ABL1: variants seen among roughly 807,000 people sequenced by gnomAD.
ABL1 encodes tyrosine-protein kinase ABL1.
ABL1 carries 11 observed loss-of-function variants against 94.7 expected under a neutral mutation model. The ratio of observed to expected loss-of-function variants is 0.12; its 90% CI spans 0.07 to 0.19. The LOEUF (loss-of-function observed/expected upper bound fraction) is 0.19, where lower values mean the gene tolerates loss of function less well. ABL1 is among the 10% of genes least tolerant of loss of function. The pLI, the probability that ABL1 is intolerant of heterozygous loss-of-function variation, is 1.00. For synonymous variants in ABL1, 656 were observed against 622.4 expected (o/e 1.05, Z -0.80); for missense variants, 1,082 against 1,489.4 (o/e 0.73, Z 4.50).
chr9:130,842,983 T>A (rs1355131910), intron 1 of ABL1, among the ~76,000 whole-genome samples: 1 of 152,258 alleles, frequency 6.6e-6, no homozygotes, highest in Non-Finnish European at 1.5e-5. Flanking sequence ...TGGTTTATAT[T>A]TCAGTCAAAA....
intron 4 of ABL1, among the ~76,000 whole-genome samples, chr9:130,867,590 T>A (rs1322849377): frequency 1.3e-5 from 2 of 152,096 alleles, no homozygotes; most frequent in East Asian, 3.9e-4. Flanking sequence ...GTTGAGAGAG[T>A]GCCTGTTTCC....
At chr9:130,793,379 T>C (rs1829933545) in intron 1 of ABL1, among the ~76,000 whole-genome samples, 1 of 152,202 alleles carries the variant, frequency 6.6e-6, no homozygotes, top group South Asian at 2.1e-4. Flanking sequence ...CCCCCTTTCT[T>C]CCGCATACAT....
intron 1 of ABL1, among the ~76,000 whole-genome samples, chr9:130,839,276 A>G (rs997738791): frequency 6.6e-6 from 1 of 152,134 alleles, no homozygotes; most frequent in Non-Finnish European, 1.5e-5. Context: ...GCTTCTTTTC[A>G]GCAGCTAACT....
intron 1 of ABL1, among the ~76,000 whole-genome samples, chr9:130,838,054 C>T (rs935878282): frequency 6.6e-6 from 1 of 152,238 alleles, no homozygotes; most frequent in Non-Finnish European, 1.5e-5. Flanking sequence ...TAAATGCTTA[C>T]TATGTGCCAA....
At chr9:130,780,561 T>C (rs1829743173) in intron 1 of ABL1, among the ~76,000 whole-genome samples, 1 of 152,206 alleles carries the variant, frequency 6.6e-6, no homozygotes. Context: ...GTACCTGCTA[T>C]TTCTAGGCGA....
intron 1 of ABL1, among the ~76,000 whole-genome samples, chr9:130,796,946 C>CTT (rs1459480149): frequency 2.4e-5 from 3 of 126,630 alleles, no homozygotes; most frequent in African/African-American, 9.9e-5. Flanking sequence ...AAAAAAGGCA[C>CTT]TTTTTTTTTG....
At chr9:130,855,222 G>A in intron 3 of ABL1, 126 bp downstream of exon 3, 1 of 1,140,640 alleles carries the variant, frequency 8.8e-7, no homozygotes, top group Non-Finnish European at 1.2e-6. Flanking sequence ...CTTTCAGGTG[G>A]GAGTCATTCC....
Position 130,740,725 on chromosome 9 carries a change from C to T in ABL1, c.136+26270C>T, listed in dbSNP as rs112210746. Among the ~76,000 whole-genome samples, 293 of 152,110 alleles carry T rather than the reference C, an allele frequency of 1.9e-3. 3 individuals are homozygous for T. Among genetic ancestry groups the T allele is most frequent in the African/African-American group, 6.8e-3 (281 of 41,480 alleles). On this transcript the variant is annotated intron_variant, in intron 1 of 10. Coordinates refer to the ABL1 transcript ENST00000372348. ...GGTTGAATTGCAGTGGCACGATCAT[C>T]GCTCACTTCAGCCTGTAATTCCTAG... is the stretch of plus-strand genomic sequence containing the variant.
intron 1 of ABL1, among the ~76,000 whole-genome samples, chr9:130,848,078 G>A (rs1039347570): frequency 6.6e-6 from 1 of 152,136 alleles, no homozygotes; most frequent in African/African-American, 2.4e-5. Context: ...GTGTGGGCCT[G>A]GTCTGCCAAA....
chr9:130,778,376 A>G (rs368478547), intron 1 of ABL1, among the ~76,000 whole-genome samples: 7 of 151,516 alleles, frequency 4.6e-5, no homozygotes, highest in Non-Finnish European at 7.4e-5. Context: ...GTGTTGGGAC[A>G]CTGACACACT....
Position 130,853,847 on chromosome 9 carries a change from A to G in ABL1, c.80-217A>G, listed in dbSNP as rs533004433. ...AAACTATTGGGGAACAATAATTACC[A>G]CCTTGGAGTGAAAATACTTAATTTC... On this transcript the variant is annotated intron_variant, in intron 1 of 10. Transcript: ENST00000318560. Among the ~76,000 whole-genome samples the G allele has an allele frequency of 3.3e-5, 5 of 152,360 alleles. No individual in the cohort carries two copies. In the East Asian group the frequency reaches 9.6e-4, roughly 29 times the overall value.
At chr9:130,812,106 T>C (rs1249595873) in intron 1 of ABL1, among the ~76,000 whole-genome samples, 3 of 149,962 alleles carry the variant, frequency 2.0e-5, no homozygotes, top group Non-Finnish European at 4.4e-5. Flanking sequence ...GGCTCATGCC[T>C]GTAATCCCAG....
At chr9:130,793,787 C>T (rs35137357) in intron 1 of ABL1, among the ~76,000 whole-genome samples, 13,054 of 152,154 alleles carry the variant, frequency 0.086, 730 homozygotes, top group African/African-American at 0.17. Flanking sequence ...AATGAAGCTT[C>T]ATCTGTATTT....
chr9:130,752,069 T>C (rs1368978270), intron 1 of ABL1, among the ~76,000 whole-genome samples: 3 of 152,202 alleles, frequency 2.0e-5, no homozygotes, highest in African/African-American at 7.2e-5. Context: ...TAGGGATGCT[T>C]TGGACCCTGT....
chr9:130,775,623 AAAG>A (rs913407552), intron 1 of ABL1, among the ~76,000 whole-genome samples: 8 of 152,094 alleles, frequency 5.3e-5, no homozygotes, highest in East Asian at 1.9e-4. Context: ...AGGAGAGAGA[AAAG>A]AAGTCAATAG....
At chr9:130,859,904 CG>C (rs1831042426) in intron 3 of ABL1, among the ~76,000 whole-genome samples, 1 of 151,946 alleles carries the variant, frequency 6.6e-6, no homozygotes, top group Non-Finnish European at 1.5e-5. Context: ...TGGTTTCGAA[CG>C]CCTGACCTCG....
intron 1 of ABL1, among the ~76,000 whole-genome samples, chr9:130,809,425 T>A (rs1462445928): frequency 1.3e-5 from 2 of 149,344 alleles, no homozygotes; most frequent in Non-Finnish European, 3.0e-5. Context: ...AGAGTGTGTG[T>A]GTGTGTGTGT....
At chr9:130,750,797 C>T (rs1831955372) in intron 1 of ABL1, among the ~76,000 whole-genome samples, 1 of 151,506 alleles carries the variant, frequency 6.6e-6, no homozygotes, top group Non-Finnish European at 1.5e-5. Context: ...CAGGTGCTCG[C>T]CACCATGCCT....
rs1439082532 is a variant in ABL1, at chr9:130,872,005, TG to T, written c.823-123del. The T allele has an allele frequency of 5.4e-6, 4 of 740,284 alleles. No individual in the cohort carries two copies. Among genetic ancestry groups the T allele is most frequent in the Non-Finnish European group, 8.9e-6 (4 of 447,482 alleles). The allele number at this position is 740,284 out of a possible 1,614,324, so 45.9% of individuals were successfully genotyped here. A position where few individuals can be genotyped will look rare whatever the true frequency, so the allele number is the denominator to read the frequency against. ...TGGAACCTGTCTGCAGCAATGTGGC[TG>T]TCACAAAACGCAGCCCAGGACGAGT... On this transcript the variant is annotated intron_variant, in intron 4 of 10. Transcript: ENST00000318560. This position sits in a 1 kb window ranked among gnomAD's most constrained non-coding sequence, Gnocchi z 5.0.
Sources: gnomAD v4.1 joint callset for allele counts (sites outside exome capture counted in the v4.1 genomes callset) on GRCh38, gnomAD v4.1.1 for gene constraint, Gnocchi (gnomAD v3.1) non-coding constraint, MANE v1.5 for transcripts, NCBI Gene and HGNC (gene_info 2026-07-23, HGNC 2026-07-21) for gene names.